The following RASGRP1 variants were observed in gnomAD, a reference collection of about 807,000 sequenced individuals.
RASGRP1 encodes RAS guanyl-releasing protein 1.
In RASGRP1, 37 loss-of-function variants were observed where a neutral mutation model predicts 95.1. The observed-to-expected ratio is 0.39, with a 90% CI of 0.30 to 0.51. The LOEUF (loss-of-function observed/expected upper bound fraction) is 0.51, where lower values mean the gene tolerates loss of function less well. Among genes scored for constraint, RASGRP1 ranks in the 20% least tolerant of loss-of-function variants. The pLI is 0.80. For missense variants in RASGRP1, 711 were observed against 965.4 expected (o/e 0.74, Z 3.49); for synonymous variants, 325 against 353.4 (o/e 0.92, Z 0.90).
At chr15:38,561,354 G>A (rs1219136088) in intron 1 of RASGRP1, among the ~76,000 whole-genome samples, 1 of 152,162 alleles carries the variant, frequency 6.6e-6, no homozygotes, top group East Asian at 1.9e-4. Flanking sequence ...TATAGCTGAG[G>A]AATCAGACTG....
In RASGRP1 at chr15:38,490,478, C is replaced by A; in HGVS notation, c.*76G>T. On this transcript the variant is annotated 3_prime_UTR_variant, in exon 17 of 17. Transcript: ENST00000310803. ...TTTTAAAGCTGGTCAGTGTAAAGTTCCTCAGGTCTGTGCATTACAGTTTAG... is the reference window on the plus strand; with the variant it reads ...TTTTAAAGCTGGTCAGTGTAAAGTTACTCAGGTCTGTGCATTACAGTTTAG... The A allele has an allele frequency of 6.8e-7, 1 of 1,463,528 alleles. No individual in the cohort carries two copies. Among genetic ancestry groups the A allele is most frequent in the Non-Finnish European group, 9.1e-7 (1 of 1,093,032 alleles). 90.7% of individuals were successfully genotyped at this position (1,463,528 alleles called of 1,614,324 possible). A position where few individuals can be genotyped will look rare whatever the true frequency, so the allele number is the denominator to read the frequency against.
In RASGRP1 at chr15:38,504,984, G is replaced by GA. The variant is rs1891195469; in HGVS notation, c.1323+855dup. ...AAATTAAAATCTCTCTGAAAAAACAGAATGTACCCTTTCCATTGAAATGCC... is the reference window on the plus strand; with the variant it reads ...AAATTAAAATCTCTCTGAAAAAACAGAAATGTACCCTTTCCATTGAAATGCC... On this transcript the variant is annotated intron_variant, in intron 10 of 16. Coordinates refer to ENST00000310803, the MANE Select transcript of RASGRP1 (RefSeq NM_005739.4). 8 of 152,294 alleles carry GA rather than the reference G, an allele frequency of 5.3e-5. No homozygotes were observed. The South Asian group carries it at 1.7e-3, about 32-fold the overall frequency. 9.4% of individuals were successfully genotyped at this position (152,294 alleles called of 1,614,324 possible). A position where few individuals can be genotyped will look rare whatever the true frequency, so the allele number is the denominator to read the frequency against.
intron 7 of RASGRP1, among the ~76,000 whole-genome samples, chr15:38,512,415 C>G (rs879430324): frequency 3.9e-5 from 6 of 152,220 alleles, no homozygotes; most frequent in Non-Finnish European, 5.9e-5. Flanking sequence ...AGACCTAAGA[C>G]AATCCAGGAT....
rs796559636 is a variant in RASGRP1 at position 38,543,842 on chromosome 15, G to T, written c.220+15979C>A. ...TCCAACATATTTATTTATAATAGCT[G>T]CTTTAAATTCTCTATCTACTAATTC... On this transcript the variant is annotated intron_variant, in intron 2 of 16. Transcript: ENST00000310803. Among the ~76,000 whole-genome samples, 12 of 151,564 alleles carry T rather than the reference G, an allele frequency of 7.9e-5. 1 individual carries two copies. The highest frequency in any genetic ancestry group is 2.9e-4 in the African/African-American group (12 of 41,324).
chr15:38,516,006 A>G (rs1891764862), intron 6 of RASGRP1, among the ~76,000 whole-genome samples, 191 bp downstream of exon 6: 1 of 151,712 alleles, frequency 6.6e-6, no homozygotes, highest in Non-Finnish European at 1.5e-5. Flanking sequence ...GAGAGATGGG[A>G]GAAGCACAGG....
intron 13 of RASGRP1, 126 bp downstream of exon 13, chr15:38,501,017 A>G (rs143716846): frequency 8.9e-7 from 1 of 1,128,808 alleles, no homozygotes; most frequent in East Asian, 2.5e-5. Flanking sequence ...GCTCTAGGTT[A>G]TTCTAGGTGT....
At chr15:38,499,608 G>T (rs972422256) in intron 14 of RASGRP1, among the ~76,000 whole-genome samples, 1 of 152,294 alleles carries the variant, frequency 6.6e-6, no homozygotes, top group East Asian at 1.9e-4. Context: ...ACCACTTTGG[G>T]GATGAGACTC....
chr15:38,523,012 C>T (rs1892059227), intron 3 of RASGRP1, among the ~76,000 whole-genome samples: 1 of 152,022 alleles, frequency 6.6e-6, no homozygotes, highest in Non-Finnish European at 1.5e-5. Flanking sequence ...TGAACTAAGG[C>T]ATGGTATGGG....
intron 2 of RASGRP1, among the ~76,000 whole-genome samples, chr15:38,540,449 T>C (rs974608525): frequency 2.0e-5 from 3 of 151,784 alleles, no homozygotes; most frequent in African/African-American, 7.3e-5. Flanking sequence ...AAGAGTGAAA[T>C]GCATTTGGAA....
At position 38,530,145 on chromosome 15, in the gene RASGRP1, A is replaced by C. The variant is rs139036262; in HGVS notation, c.221-3741T>G. 2.0e-5 allele frequency among the ~76,000 whole-genome samples: 3 copies of C among 152,312 alleles called. No homozygotes were observed. In the East Asian group the frequency reaches 5.8e-4, roughly 29 times the overall value. ...CTCAAGTTTCTGTGAGTTGGTTACA[A>C]TCAGCTAGTGCAGGCTGGGTGCTGC... is the stretch of plus-strand genomic sequence containing the variant. On this transcript the variant is annotated intron_variant, in intron 2 of 16. Transcript: ENST00000310803.
At chr15:38,523,201 C>T (rs1010645846) in intron 3 of RASGRP1, among the ~76,000 whole-genome samples, 2 of 152,154 alleles carry the variant, frequency 1.3e-5, no homozygotes, top group African/African-American at 4.8e-5. Context: ...CAGTCATGTG[C>T]TGCATAACAT....
chr15:38,510,574 G>T (rs768010583), intron 8 of RASGRP1, among the ~76,000 whole-genome samples: 3 of 152,200 alleles, frequency 2.0e-5, no homozygotes, highest in Non-Finnish European at 2.9e-5. Context: ...GTATAGTAAG[G>T]TCCTCTTACA....
intron 3 of RASGRP1, among the ~76,000 whole-genome samples, chr15:38,522,582 CATT>C (rs1176795614): frequency 6.6e-6 from 1 of 152,050 alleles, no homozygotes; most frequent in African/African-American, 2.4e-5. Context: ...TATTTTAAAA[CATT>C]AGAAGTATTT....
chr15:38,518,553 A>T (rs1364576713), intron 4 of RASGRP1, 130 bp from the exon 5 acceptor site: 3 of 969,640 alleles, frequency 3.1e-6, no homozygotes, highest in South Asian at 3.3e-5. Flanking sequence ...GTCTATTAGT[A>T]TATTGAAGGA....
intron 2 of RASGRP1, among the ~76,000 whole-genome samples, chr15:38,540,092 T>C (rs1276151612): frequency 6.6e-6 from 1 of 152,060 alleles, no homozygotes; most frequent in Non-Finnish European, 1.5e-5. Context: ...AATTCTTTTT[T>C]ATTATTATTA....
intron 6 of RASGRP1, among the ~76,000 whole-genome samples, chr15:38,513,465 T>G (rs1178725188): frequency 6.6e-6 from 1 of 152,210 alleles, no homozygotes; most frequent in African/African-American, 2.4e-5. Context: ...CTTTAACTTT[T>G]TAAAGTGTTA....
At chr15:38,547,327 C>G (rs1433311239) in intron 2 of RASGRP1, among the ~76,000 whole-genome samples, 2 of 152,180 alleles carry the variant, frequency 1.3e-5, no homozygotes, top group Non-Finnish European at 2.9e-5. Flanking sequence ...TTCACACCCC[C>G]ACCTGTGTGC....
chr15:38,507,513 G>A (rs992997145), intron 9 of RASGRP1, among the ~76,000 whole-genome samples: 1 of 152,136 alleles, frequency 6.6e-6, no homozygotes, highest in Admixed American at 6.5e-5. Flanking sequence ...CACCACCTGG[G>A]TCTGAATCAA....
Position 38,488,528 on chromosome 15 carries a change from T to C in RASGRP1, c.*2026A>G, listed in dbSNP as rs1051884145. The C allele has an allele frequency of 2.6e-5, 4 of 152,000 alleles. No homozygotes were observed. Among genetic ancestry groups the C allele is most frequent in the African/African-American group, 7.2e-5 (3 of 41,434 alleles). 9.4% of individuals were successfully genotyped at this position (152,000 alleles called of 1,614,324 possible). On this transcript the variant is annotated 3_prime_UTR_variant, in exon 17 of 17. Coordinates refer to ENST00000310803, the MANE Select transcript of RASGRP1 (RefSeq NM_005739.4). ...CCTGTGACTAAACTATTTCCTCTTA[T>C]CCATTTCAGTGATAAATTCTGCAGT...
Sources: gnomAD v4.1 joint callset for allele counts (sites outside exome capture counted in the v4.1 genomes callset) on GRCh38, gnomAD v4.1.1 for gene constraint, MANE v1.5 for transcripts, NCBI Gene and HGNC (gene_info 2026-07-23, HGNC 2026-07-21) for gene names.